MMP26: variants seen among roughly 807,000 people sequenced by gnomAD.
MMP26 encodes the protein matrix metallopeptidase 26.
A neutral mutation model predicts 31.0 loss-of-function variants in MMP26; 33 were observed. The ratio of observed to expected loss-of-function variants is 1.06; its 90% CI spans 0.81 to 1.42. The LOEUF (loss-of-function observed/expected upper bound fraction) is 1.42, where lower values mean the gene tolerates loss of function less well. Among genes scored for constraint, MMP26 ranks in the 40% most tolerant of loss-of-function variants. MMP26 has a pLI of 0.00. For missense variants in MMP26, 347 were observed against 316.1 expected (o/e 1.10, Z -0.74); for synonymous variants, 122 against 114.9 (o/e 1.06, Z -0.40).
chr11:4,762,869 C>CA (rs1848584187), intron 1 of MMP26, among the ~76,000 whole-genome samples: 1 of 152,124 alleles, frequency 6.6e-6, no homozygotes, highest in East Asian at 1.9e-4. Context: ...ATAACTGTAG[C>CA]TCAAAGAAAA....
intron 1 of MMP26, among the ~76,000 whole-genome samples, chr11:4,706,474 G>T (rs1242993205): frequency 6.6e-6 from 1 of 150,598 alleles, no homozygotes; most frequent in Non-Finnish European, 1.5e-5. Context: ...TTTACTTGGC[G>T]AGCTGAGGCA....
intron 2 of MMP26, among the ~76,000 whole-genome samples, chr11:4,967,379 T>G (rs953177845): frequency 6.6e-6 from 1 of 152,210 alleles, no homozygotes; most frequent in East Asian, 1.9e-4. Context: ...GCCTTATACG[T>G]TTTCTTTACC....
intron 2 of MMP26, among the ~76,000 whole-genome samples, chr11:4,980,363 G>A (rs1846795110): frequency 6.6e-6 from 1 of 152,040 alleles, no homozygotes; most frequent in Admixed American, 6.6e-5. Context: ...AGTTGTGAGG[G>A]CAGAAGACAC....
chr11:4,742,807 C>A (rs1228523882), intron 1 of MMP26, among the ~76,000 whole-genome samples: 1 of 152,140 alleles, frequency 6.6e-6, no homozygotes, highest in Admixed American at 6.5e-5. Flanking sequence ...GTAGTTGAAA[C>A]CTACCATTGA....
intron 2 of MMP26, chr11:4,770,031 C>G (rs1848695789): frequency 1.6e-6 from 1 of 630,510 alleles, no homozygotes; most frequent in Non-Finnish European, 2.9e-6. Flanking sequence ...TAGAGTTATC[C>G]AAGGTCATAG....
At chr11:4,748,836 C>T (rs961722322) in intron 1 of MMP26, among the ~76,000 whole-genome samples, 3 of 152,002 alleles carry the variant, frequency 2.0e-5, no homozygotes, top group African/African-American at 7.2e-5. Flanking sequence ...CAGCCAACAT[C>T]ATATTGAATG....
intron 1 of MMP26, among the ~76,000 whole-genome samples, chr11:4,716,372 C>A (rs1847930032): frequency 6.6e-6 from 1 of 151,888 alleles, no homozygotes; most frequent in South Asian, 2.1e-4. Context: ...ACTAATGCAA[C>A]AAAGAATGTT....
At chr11:4,749,731 T>C (rs751403675) in intron 1 of MMP26, among the ~76,000 whole-genome samples, 13 of 152,128 alleles carry the variant, frequency 8.5e-5, no homozygotes, top group Admixed American at 2.6e-4. Flanking sequence ...ATTGCCAATA[T>C]GCAGAATGAA....
intron 2 of MMP26, among the ~76,000 whole-genome samples, chr11:4,805,582 A>T (rs994318253): frequency 7.9e-5 from 12 of 152,120 alleles, no homozygotes; most frequent in African/African-American, 2.9e-4. Context: ...TCAGCTGTGA[A>T]CCCCACACTA....
intron 2 of MMP26, among the ~76,000 whole-genome samples, chr11:4,811,348 T>C (rs1564915479): frequency 2.6e-5 from 4 of 152,144 alleles, no homozygotes; most frequent in Admixed American, 2.6e-4. Flanking sequence ...TATCCTCACC[T>C]TCAATCCAAC....
At chr11:4,867,753 C>G (rs769317567) in intron 2 of MMP26, among the ~76,000 whole-genome samples, 36 of 152,062 alleles carry the variant, frequency 2.4e-4, no homozygotes, top group Non-Finnish European at 4.3e-4. Context: ...CAGATGCTGG[C>G]AAGGTTCTGA....
chr11:4,754,620 G>A (rs1169488113), intron 1 of MMP26, among the ~76,000 whole-genome samples: 6 of 151,774 alleles, frequency 4.0e-5, no homozygotes, highest in Admixed American at 2.0e-4. Context: ...CTCATTAAGC[G>A]TGCCCATTTT....
At chr11:4,936,480 A>G (rs1001426757) in intron 2 of MMP26, among the ~76,000 whole-genome samples, 1 of 152,102 alleles carries the variant, frequency 6.6e-6, no homozygotes, top group Admixed American at 6.6e-5. Context: ...GATATTTAAG[A>G]GAAGTTTAAA....
chr11:4,862,508 A>C (rs933738839), intron 2 of MMP26, among the ~76,000 whole-genome samples: 4 of 152,098 alleles, frequency 2.6e-5, no homozygotes, highest in African/African-American at 9.7e-5. Flanking sequence ...CAAAGAGAAA[A>C]ATTTATTTTT....
intron 2 of MMP26, among the ~76,000 whole-genome samples, chr11:4,966,307 A>G (rs143310112): frequency 2.0e-5 from 3 of 152,256 alleles, no homozygotes; most frequent in African/African-American, 7.2e-5. Flanking sequence ...CTAAGAGGAA[A>G]CATCAGGGGT....
chr11:4,775,607 T>C (rs1017177344), intron 2 of MMP26, among the ~76,000 whole-genome samples: 3 of 152,138 alleles, frequency 2.0e-5, no homozygotes, highest in African/African-American at 4.8e-5. Context: ...ATTTGGCTCA[T>C]GGTTCTGCAG....
chr11:4,836,420 T>C (rs1349893951), intron 2 of MMP26, among the ~76,000 whole-genome samples: 2 of 150,762 alleles, frequency 1.3e-5, no homozygotes, highest in Non-Finnish European at 3.0e-5. Flanking sequence ...CATTGTATAT[T>C]ATATATACAC....
intron 2 of MMP26, among the ~76,000 whole-genome samples, chr11:4,957,514 G>T (rs985525321): frequency 2.0e-5 from 3 of 151,098 alleles, no homozygotes; most frequent in Non-Finnish European, 4.4e-5. Flanking sequence ...TATTCCTTTC[G>T]TCCTTTCCCC....
intron 2 of MMP26, among the ~76,000 whole-genome samples, chr11:4,924,775 G>C (rs1851245160): frequency 6.6e-6 from 1 of 152,168 alleles, no homozygotes; most frequent in Non-Finnish European, 1.5e-5. Flanking sequence ...AGAAAAATCT[G>C]AAATCACCAG....
Sources: allele counts gnomAD v4.1 joint callset (sites outside exome capture counted in the v4.1 genomes callset), GRCh38; gene constraint gnomAD v4.1.1; transcripts MANE v1.5; gene names NCBI Gene and HGNC (gene_info 2026-07-23, HGNC 2026-07-21).